Variants in CNTN5 observed in about 807,000 individuals in gnomAD.
The protein encoded by CNTN5 is contactin-5.
Under a neutral mutation model 129.1 loss-of-function variants are expected in CNTN5, and 77 were observed. That is an observed-to-expected ratio of 0.60 (90% confidence interval 0.50 to 0.72). The LOEUF is 0.72. CNTN5 is among the 30% of genes least tolerant of loss of function. CNTN5 has a pLI of 0.00. For synonymous variants in CNTN5, 509 were observed against 465.6 expected (o/e 1.09, Z -1.20); for missense variants, 1,478 against 1,328.8 (o/e 1.11, Z -1.75).
At chr11:99,193,353 T>G (rs1407122087) in intron 1 of CNTN5, among the ~76,000 whole-genome samples, 1 of 152,164 alleles carries the variant, frequency 6.6e-6, no homozygotes, top group Non-Finnish European at 1.5e-5. Context: ...CTGAATGACC[T>G]ACATGAGCAT....
chr11:99,774,145 C>T (rs1252444912), intron 3 of CNTN5, among the ~76,000 whole-genome samples: 4 of 151,810 alleles, frequency 2.6e-5, no homozygotes, highest in Admixed American at 6.6e-5. Context: ...TTCGAACCAC[C>T]CCTATAACAT....
intron 13 of CNTN5, among the ~76,000 whole-genome samples, chr11:100,094,798 A>AAGGT (rs1944941512): frequency 6.7e-6 from 1 of 148,824 alleles, no homozygotes; most frequent in Admixed American, 7.0e-5. Flanking sequence ...GGAAGGAAGG[A>AAGGT]AGGAAGGAAG....
intron 1 of CNTN5, among the ~76,000 whole-genome samples, chr11:99,221,076 T>C (rs1222449186): frequency 6.6e-6 from 1 of 151,878 alleles, no homozygotes; most frequent in Non-Finnish European, 1.5e-5. Context: ...TATTGCAGGA[T>C]TCAGAATTAA....
intron 21 of CNTN5, among the ~76,000 whole-genome samples, chr11:100,311,505 T>G (rs142079997): frequency 6.6e-6 from 1 of 151,992 alleles, no homozygotes; most frequent in Non-Finnish European, 1.5e-5. Flanking sequence ...AGGTTATAAA[T>G]AGTTTGTATG....
intron 21 of CNTN5, among the ~76,000 whole-genome samples, chr11:100,314,522 A>G (rs895650253): frequency 2.0e-5 from 3 of 152,090 alleles, no homozygotes; most frequent in African/African-American, 7.2e-5. Context: ...TGATGACTGT[A>G]TCCCTGGAAT....
At chr11:99,710,979 T>C (rs1954962050) in intron 3 of CNTN5, among the ~76,000 whole-genome samples, 1 of 151,958 alleles carries the variant, frequency 6.6e-6, no homozygotes, top group African/African-American at 2.4e-5. Flanking sequence ...AAGGAAAATT[T>C]TTTAGTATTA....
At chr11:100,067,335 C>T (rs961772434) in intron 10 of CNTN5, among the ~76,000 whole-genome samples, 2 of 151,784 alleles carry the variant, frequency 1.3e-5, no homozygotes, top group African/African-American at 4.8e-5. Context: ...TATGTTTATG[C>T]GTTTGTGTGC....
At chr11:100,165,750 A>G (rs1260901269) in intron 13 of CNTN5, among the ~76,000 whole-genome samples, 2 of 151,732 alleles carry the variant, frequency 1.3e-5, no homozygotes, top group African/African-American at 4.8e-5. Context: ...AATGATACCT[A>G]ATGTTTATTT....
intron 7 of CNTN5, among the ~76,000 whole-genome samples, chr11:99,921,751 T>C (rs1949945844): frequency 6.6e-6 from 1 of 152,172 alleles, no homozygotes; most frequent in Non-Finnish European, 1.5e-5. Flanking sequence ...AAAATATTTA[T>C]TGAATGAATC....
intron 4 of CNTN5, among the ~76,000 whole-genome samples, chr11:99,837,278 A>G (rs1565587888): frequency 6.6e-6 from 1 of 152,182 alleles, no homozygotes; most frequent in Non-Finnish European, 1.5e-5. Flanking sequence ...TTTTAATGTA[A>G]TATTAGCCAA....
intron 3 of CNTN5, among the ~76,000 whole-genome samples, chr11:99,731,936 A>G (rs1943548889): frequency 6.6e-6 from 1 of 152,232 alleles, no homozygotes; most frequent in Non-Finnish European, 1.5e-5. Context: ...ATGCTAGAAC[A>G]ATAGGAGGAA....
chr11:99,206,615 C>G (rs1565402533), intron 1 of CNTN5, among the ~76,000 whole-genome samples: 1 of 147,788 alleles, frequency 6.8e-6, no homozygotes, highest in Non-Finnish European at 1.5e-5. Flanking sequence ...AGTTCTTACC[C>G]ACTTACTACT....
At chr11:99,848,152 G>T (rs986924674) in intron 6 of CNTN5, among the ~76,000 whole-genome samples, 1 of 151,922 alleles carries the variant, frequency 6.6e-6, no homozygotes, top group African/African-American at 2.4e-5. Flanking sequence ...GGAGCTTGCA[G>T]TGAGCCGAGA....
At chr11:100,318,684 G>T (rs1297014821) in intron 21 of CNTN5, among the ~76,000 whole-genome samples, 1 of 151,984 alleles carries the variant, frequency 6.6e-6, no homozygotes, top group Non-Finnish European at 1.5e-5. Flanking sequence ...TTGAGGGCTG[G>T]GTTTATACCT....
intron 1 of CNTN5, among the ~76,000 whole-genome samples, chr11:99,241,968 A>C (rs886686327): frequency 6.6e-6 from 1 of 152,184 alleles, no homozygotes; most frequent in Admixed American, 6.5e-5. Context: ...TATCATTTCA[A>C]TTAGTGAACT....
chr11:99,686,604 A>G (rs1035127551), intron 3 of CNTN5, among the ~76,000 whole-genome samples: 12 of 152,092 alleles, frequency 7.9e-5, no homozygotes, highest in African/African-American at 2.9e-4. Context: ...TATCTCTCAC[A>G]TATGCTTTCA....
At chr11:99,775,570 G>A (rs1444609488) in intron 3 of CNTN5, among the ~76,000 whole-genome samples, 1 of 151,878 alleles carries the variant, frequency 6.6e-6, no homozygotes, top group Non-Finnish European at 1.5e-5. Context: ...ATAATTACTG[G>A]AAAAATAATC....
chr11:99,256,219 G>C (rs1464602367), intron 1 of CNTN5, among the ~76,000 whole-genome samples: 3 of 152,028 alleles, frequency 2.0e-5, no homozygotes, highest in Non-Finnish European at 4.4e-5. Context: ...CTATAGCTTT[G>C]ATTTGTTTAT....
At chr11:99,610,079 C>G (rs559961206) in intron 3 of CNTN5, among the ~76,000 whole-genome samples, 3 of 152,128 alleles carry the variant, frequency 2.0e-5, no homozygotes, top group South Asian at 4.1e-4. Flanking sequence ...GCCACAAAGA[C>G]GATATATGGT....
Sources: gnomAD v4.1 joint callset for allele counts (sites outside exome capture counted in the v4.1 genomes callset) on GRCh38, gnomAD v4.1.1 for gene constraint, MANE v1.5 for transcripts, NCBI Gene and HGNC (gene_info 2026-07-23, HGNC 2026-07-21) for gene names.